The following SLC8A1 variants were observed in gnomAD, a reference collection of about 807,000 sequenced individuals.
SLC8A1 encodes the protein solute carrier family 8 member A1.
In SLC8A1, 18 loss-of-function variants were observed where a neutral mutation model predicts 68.3. The ratio of observed to expected loss-of-function variants is 0.26; its 90% confidence interval spans 0.18 to 0.39. The LOEUF is 0.39. Among genes scored for constraint, SLC8A1 ranks in the 10% least tolerant of loss-of-function variants. The pLI is 1.00. For synonymous variants in SLC8A1, 475 were observed against 415.5 expected, an observed-to-expected ratio of 1.14 and a Z score of -1.74; for missense variants, 985 against 1,156.7, an observed-to-expected ratio of 0.85 and a Z score of 2.15.
chr2:40,399,812 G>A (rs189952590), intron 2 of SLC8A1, among the ~76,000 whole-genome samples: 203 of 152,006 alleles, frequency 1.3e-3, no homozygotes, highest in Non-Finnish European at 1.4e-3. Context: ...CTAAGGGAGG[G>A]GACCACCCCT....
intron 2 of SLC8A1, among the ~76,000 whole-genome samples, chr2:40,292,645 T>A (rs754219382): frequency 7.9e-5 from 12 of 152,160 alleles, no homozygotes; most frequent in Non-Finnish European, 1.3e-4. Context: ...ATCTATTAAA[T>A]CAGTAAGACC....
intron 2 of SLC8A1, among the ~76,000 whole-genome samples, chr2:40,214,197 T>C (rs916456836): frequency 9.2e-5 from 14 of 152,232 alleles, no homozygotes; most frequent in African/African-American, 3.1e-4. Context: ...CAAAACATAT[T>C]GCTGGATATT....
chr2:40,471,213 T>C (rs542134347), intron 1 of SLC8A1, among the ~76,000 whole-genome samples: 2 of 152,292 alleles, frequency 1.3e-5, no homozygotes, highest in South Asian at 2.1e-4. Context: ...CTTTATTTTA[T>C]AGGGAAGAAA....
At chr2:40,243,695 T>C (rs1018926420) in intron 2 of SLC8A1, among the ~76,000 whole-genome samples, 5 of 152,162 alleles carry the variant, frequency 3.3e-5, no homozygotes, top group African/African-American at 7.2e-5. Context: ...TGGAAGGGTA[T>C]TGCATTTTTC....
At chr2:40,188,127 G>C (rs2051040786) in intron 2 of SLC8A1, among the ~76,000 whole-genome samples, 1 of 152,086 alleles carries the variant, frequency 6.6e-6, no homozygotes, top group African/African-American at 2.4e-5. Flanking sequence ...AAAAATACTG[G>C]CATTTTGCAA....
intron 6 of SLC8A1, among the ~76,000 whole-genome samples, chr2:40,140,884 A>G (rs544385225): frequency 6.6e-6 from 1 of 152,366 alleles, no homozygotes; most frequent in South Asian, 2.1e-4. Context: ...TCAGTGTACA[A>G]AGAAATGCAC....
At chr2:40,269,173 C>T (rs1158576595) in intron 2 of SLC8A1, among the ~76,000 whole-genome samples, 1 of 152,166 alleles carries the variant, frequency 6.6e-6, no homozygotes, top group East Asian at 1.9e-4. Context: ...GTCAATCAAT[C>T]CAGGTTTTTG....
At chr2:40,338,568 C>T (rs1402600778) in intron 2 of SLC8A1, among the ~76,000 whole-genome samples, 1 of 152,156 alleles carries the variant, frequency 6.6e-6, no homozygotes, top group Non-Finnish European at 1.5e-5. Context: ...CATATGGCAT[C>T]TGACCCTACT....
chr2:40,118,696 G>C (rs1333365182), intron 7 of SLC8A1, among the ~76,000 whole-genome samples: 1 of 134,276 alleles, frequency 7.4e-6, no homozygotes, highest in Non-Finnish European at 1.5e-5. Flanking sequence ...GGAGAAAGCA[G>C]CTTCCAGCTC....
At chr2:40,327,957 GAAA>G (rs5830622) in intron 2 of SLC8A1, among the ~76,000 whole-genome samples, 1 of 149,732 alleles carries the variant, frequency 6.7e-6, no homozygotes, top group Non-Finnish European at 1.5e-5. Flanking sequence ...AAATAAAACT[GAAA>G]AAAAAATACA....
At chr2:40,436,027 C>A (rs1699344948) in intron 1 of SLC8A1, among the ~76,000 whole-genome samples, 1 of 137,292 alleles carries the variant, frequency 7.3e-6, no homozygotes, top group Non-Finnish European at 1.6e-5. Context: ...CCTGCCTCAG[C>A]CCTAAGTGCT....
At chr2:40,413,886 C>T (rs1692994655) in intron 2 of SLC8A1, among the ~76,000 whole-genome samples, 1 of 152,066 alleles carries the variant, frequency 6.6e-6, no homozygotes, top group Non-Finnish European at 1.5e-5. Flanking sequence ...CCATTGCAAG[C>T]ACATGATGAT....
intron 1 of SLC8A1, among the ~76,000 whole-genome samples, chr2:40,451,700 G>C: frequency 7.0e-6 from 1 of 142,064 alleles, no homozygotes; most frequent in East Asian, 2.1e-4. Flanking sequence ...GGGAAGCGCG[G>C]ACACCCAGAA....
chr2:40,458,484 G>T (rs933871283), intron 1 of SLC8A1, among the ~76,000 whole-genome samples: 2 of 147,756 alleles, frequency 1.4e-5, no homozygotes, highest in African/African-American at 2.5e-5. Context: ...GAAGGATTCC[G>T]GTGATAGGGT....
chr2:40,189,013 G>C (rs564754134), intron 2 of SLC8A1, among the ~76,000 whole-genome samples: 78 of 152,276 alleles, frequency 5.1e-4, no homozygotes, highest in African/African-American at 1.8e-3. Context: ...CAAGAGAATA[G>C]GACCTTAGGT....
At chr2:40,441,841 C>T (rs1233651641) in intron 1 of SLC8A1, among the ~76,000 whole-genome samples, 2 of 151,910 alleles carry the variant, frequency 1.3e-5, no homozygotes, top group Non-Finnish European at 2.9e-5. Context: ...CAATACCATT[C>T]AGGGCATGGG....
intron 2 of SLC8A1, among the ~76,000 whole-genome samples, chr2:40,342,187 A>G (rs1383634658): frequency 6.6e-6 from 1 of 152,128 alleles, no homozygotes; most frequent in African/African-American, 2.4e-5. Context: ...CAAGGGTTTT[A>G]GTTTATGGCC....
chr2:40,426,882 C>A (rs11683359), intron 2 of SLC8A1, among the ~76,000 whole-genome samples: 17,401 of 151,754 alleles, frequency 0.11, 1,334 homozygotes, highest in Middle Eastern at 0.21. Context: ...GGAAAGAATT[C>A]CTAGCAAAGG....
At chr2:40,253,868 A>ACAG (rs2063421710) in intron 2 of SLC8A1, among the ~76,000 whole-genome samples, 1 of 146,580 alleles carries the variant, frequency 6.8e-6, no homozygotes, top group Non-Finnish European at 1.5e-5. Flanking sequence ...GCTAGGAAGG[A>ACAG]CAGCAGGAGT....
Sources: allele counts gnomAD v4.1 joint callset (sites outside exome capture counted in the v4.1 genomes callset), GRCh38; gene constraint gnomAD v4.1.1; transcripts MANE v1.5; gene names NCBI Gene and HGNC (gene_info 2026-07-23, HGNC 2026-07-21).